ITPR2: variants seen among roughly 807,000 people sequenced by gnomAD.
The protein encoded by ITPR2 is inositol 1,4,5-trisphosphate-gated calcium channel ITPR2.
Under a neutral mutation model 317.1 loss-of-function variants are expected in ITPR2, and 207 were observed. The observed-to-expected ratio is 0.65, with a 90% CI of 0.58 to 0.73. The LOEUF is 0.73. Among genes scored for constraint, ITPR2 ranks in the 30% least tolerant of loss-of-function variants. ITPR2 has a pLI of 0.00. For missense variants in ITPR2, 2,613 were observed against 3,284.0 expected (o/e 0.80, Z 4.99); for synonymous variants, 1,156 against 1,149.1 (o/e 1.01, Z -0.12).
rs60258613 is a variant in ITPR2, at chr12:26,560,237, T to C, written c.4821+1525A>G. ...GATCCTCCTCCTTTCTGACCCACTT[T>C]TTTTTCTTGCACTCTTTATGTGGCC... is the stretch of plus-strand genomic sequence containing the variant. On this transcript the variant is annotated intron_variant, in intron 35 of 56. Coordinates refer to ENST00000381340, the MANE Select transcript of ITPR2 (RefSeq NM_002223.4). Among the ~76,000 whole-genome samples, 8 of 152,274 alleles carry C rather than the reference T, an allele frequency of 5.3e-5. No individual in the cohort carries two copies. The East Asian group carries it at 1.5e-3, about 29-fold the overall frequency.
intron 38 of ITPR2, among the ~76,000 whole-genome samples, chr12:26,494,771 GAAAAAAAA>G (rs71069245): frequency 7.9e-5 from 4 of 50,350 alleles, no homozygotes; most frequent in Non-Finnish European, 1.2e-4. Context: ...CTCTGCCTCA[GAAAAAAAA>G]AAAAAAAAAA....
chr12:26,408,654 T>C lies in ITPR2; in HGVS notation c.7399+2666A>G, dbSNP rs191463563. Among the ~76,000 whole-genome samples, 10 of 152,316 alleles carry C rather than the reference T, an allele frequency of 6.6e-5. No individual in the cohort carries two copies. The East Asian group carries it at 1.7e-3, about 26-fold the overall frequency. On this transcript the variant is annotated intron_variant, in intron 52 of 56. Transcript: ENST00000381340. Reference sequence around the variant, plus strand: ...GACTCAGATCCTCTTCTGGGCCCACTGAGTCAGCCCTCTTTGTATACTCTG... The same window carrying C: ...GACTCAGATCCTCTTCTGGGCCCACCGAGTCAGCCCTCTTTGTATACTCTG...
At chr12:26,768,434 A>C (rs1949768430) in intron 2 of ITPR2, among the ~76,000 whole-genome samples, 1 of 97,484 alleles carries the variant, frequency 1.0e-5, no homozygotes, top group Non-Finnish European at 2.5e-5. Context: ...TTAAAAAAAA[A>C]TAAAAAATAA....
At chr12:26,518,404 A>G (rs1182043730) in intron 37 of ITPR2, among the ~76,000 whole-genome samples, 1 of 152,182 alleles carries the variant, frequency 6.6e-6, no homozygotes, top group Non-Finnish European at 1.5e-5. Context: ...CAACCTAAAA[A>G]CTAGCTATCA....
intron 45 of ITPR2, among the ~76,000 whole-genome samples, chr12:26,474,923 T>C (rs1942382981): frequency 6.6e-6 from 1 of 152,094 alleles, no homozygotes. Flanking sequence ...ACCTGCCGAA[T>C]TTGTCCTGAT....
At chr12:26,609,502 G>A (rs1946215954) in intron 26 of ITPR2, among the ~76,000 whole-genome samples, 1 of 152,174 alleles carries the variant, frequency 6.6e-6, no homozygotes, top group Non-Finnish European at 1.5e-5. Flanking sequence ...AGCTACTCAG[G>A]AAGCTAAGGG....
chr12:26,821,369 G>A (rs550234233), intron 1 of ITPR2, among the ~76,000 whole-genome samples: 1 of 152,246 alleles, frequency 6.6e-6, no homozygotes, highest in South Asian at 2.1e-4. Context: ...TGATCCAAGG[G>A]GGCCAAATTC....
chr12:26,365,234 C>A (rs1938969648), intron 55 of ITPR2, among the ~76,000 whole-genome samples: 1 of 152,126 alleles, frequency 6.6e-6, no homozygotes, highest in Non-Finnish European at 1.5e-5. Flanking sequence ...GGTGTCACTA[C>A]AAAGAATGAA....
At chr12:26,660,940 C>T (rs115534164) in intron 15 of ITPR2, among the ~76,000 whole-genome samples, 22 of 151,088 alleles carry the variant, frequency 1.5e-4, no homozygotes, top group African/African-American at 5.1e-4. Context: ...TAATTATAGC[C>T]ATAATGCTAT....
chr12:26,657,290 A>C (rs1215236242), intron 18 of ITPR2, among the ~76,000 whole-genome samples: 1 of 152,192 alleles, frequency 6.6e-6, no homozygotes, highest in Admixed American at 6.5e-5. Flanking sequence ...GCTCTAGGTC[A>C]CCACATATTC....
At chr12:26,824,807 A>G (rs139469686) in intron 1 of ITPR2, among the ~76,000 whole-genome samples, 331 of 152,310 alleles carry the variant, frequency 2.2e-3, no homozygotes, top group Non-Finnish European at 2.8e-3. Flanking sequence ...TGTTTTGAAT[A>G]TTTTTTATTA....
intron 11 of ITPR2, among the ~76,000 whole-genome samples, chr12:26,685,152 G>A (rs1349929290): frequency 1.3e-5 from 2 of 152,116 alleles, no homozygotes; most frequent in Non-Finnish European, 2.9e-5. Flanking sequence ...ATCTGCCAAG[G>A]CCAAGCACAA....
intron 2 of ITPR2, among the ~76,000 whole-genome samples, chr12:26,784,900 C>T (rs1173673314): frequency 1.2e-5 from 1 of 85,634 alleles, no homozygotes; most frequent in East Asian, 3.2e-4. Context: ...AAGCGAGGAG[C>T]ACCTCTTCCC....
intron 2 of ITPR2, among the ~76,000 whole-genome samples, chr12:26,768,587 A>C (rs1053691146): frequency 1.5e-5 from 2 of 132,780 alleles, no homozygotes; most frequent in Non-Finnish European, 3.5e-5. Flanking sequence ...AAAAAAAAAA[A>C]AAAAAAAAAA....
rs535627665 is a variant in ITPR2 at position 26,448,243 on chromosome 12, A to T, written c.6343-4593T>A. ...TACTATTGACAAAGATGCTCCCAAC[A>T]GGACTTGAAATCAGCTGATGTCACT... On this transcript the variant is annotated intron_variant, in intron 45 of 56. Coordinates refer to ENST00000381340, the MANE Select transcript of ITPR2 (RefSeq NM_002223.4). Among the ~76,000 whole-genome samples, 228 of 152,192 alleles carry T rather than the reference A, an allele frequency of 1.5e-3. 1 individual carries two copies. The highest frequency in any genetic ancestry group is 5.3e-3 in the African/African-American group (220 of 41,560).
intron 34 of ITPR2, among the ~76,000 whole-genome samples, chr12:26,567,714 G>C (rs1363555651): frequency 1.3e-5 from 2 of 151,306 alleles, no homozygotes; most frequent in Non-Finnish European, 2.9e-5. Context: ...TGTCCAAATA[G>C]TATAAATACT....
In ITPR2 at chr12:26,618,176, T is replaced by G. The variant is rs1946412632; in HGVS notation, c.3462+2947A>C. On this transcript the variant is annotated intron_variant, in intron 26 of 56. Transcript: ENST00000381340. ...AATATTAGAACCATTCCCTTTAAAA[T>G]CAGAAATAAGACAGGGATGCCCATT... Among the ~76,000 whole-genome samples the G allele has an allele frequency of 2.0e-5, 3 of 152,214 alleles. No homozygotes were observed. The East Asian group carries it at 5.8e-4, about 29-fold the overall frequency.
At chr12:26,496,787 C>G (rs892620718) in intron 37 of ITPR2, among the ~76,000 whole-genome samples, 1 of 151,616 alleles carries the variant, frequency 6.6e-6, no homozygotes, top group African/African-American at 2.4e-5. Flanking sequence ...ACTAAAAATA[C>G]GAAAAAATTA....
At chr12:26,465,430 T>C (rs1942147541) in intron 45 of ITPR2, among the ~76,000 whole-genome samples, 1 of 151,674 alleles carries the variant, frequency 6.6e-6, no homozygotes, top group African/African-American at 2.4e-5. Context: ...AAGAGAGGAA[T>C]TGGAGATAGC....
Sources: allele counts gnomAD v4.1 joint callset (sites outside exome capture counted in the v4.1 genomes callset), GRCh38; gene constraint gnomAD v4.1.1; transcripts MANE v1.5; gene names NCBI Gene and HGNC (gene_info 2026-07-23, HGNC 2026-07-21).